MGAT5: variants seen among roughly 807,000 people sequenced by gnomAD.
The protein encoded by MGAT5 is alpha-1,6-mannosylglycoprotein 6-beta-N-acetylglucosaminyltransferase A.
Under a neutral mutation model 94.3 loss-of-function variants are expected in MGAT5, and 30 were observed. The observed-to-expected ratio is 0.32, with a 90% CI of 0.24 to 0.43. MGAT5 has a LOEUF of 0.43. Ranked by LOEUF, MGAT5 falls within the 20% of genes least tolerant of loss-of-function variation. MGAT5 has a pLI of 1.00. For missense variants in MGAT5, 691 were observed against 905.5 expected, an observed-to-expected ratio of 0.76 and a Z score of 3.04; for synonymous variants, 310 against 322.9, an observed-to-expected ratio of 0.96 and a Z score of 0.43.
At chr2:134,365,830 C>T (rs1047792534) in intron 10 of MGAT5, among the ~76,000 whole-genome samples, 18 of 152,070 alleles carry the variant, frequency 1.2e-4, no homozygotes, top group African/African-American at 4.3e-4. Flanking sequence ...ATACTAAATG[C>T]CTATCAAGAA....
At chr2:134,398,476 A>G (rs982972854) in intron 10 of MGAT5, among the ~76,000 whole-genome samples, 1 of 152,176 alleles carries the variant, frequency 6.6e-6, no homozygotes, top group Non-Finnish European at 1.5e-5. Flanking sequence ...TGCTGCGTGA[A>G]TGAGGGGAAC....
chr2:134,273,683 T>C (rs920976337), intron 2 of MGAT5, among the ~76,000 whole-genome samples: 14 of 152,138 alleles, frequency 9.2e-5, no homozygotes, highest in African/African-American at 3.1e-4. Flanking sequence ...AGCTGTGTTC[T>C]GTGTAGCTTT....
intron 10 of MGAT5, among the ~76,000 whole-genome samples, chr2:134,395,816 G>A (rs1682673903): frequency 6.6e-6 from 1 of 152,200 alleles, no homozygotes; most frequent in South Asian, 2.1e-4. Context: ...TAAAGTGTTT[G>A]TGGCTGTTCT....
chr2:134,318,155 T>C (rs1452251929), intron 3 of MGAT5, among the ~76,000 whole-genome samples: 1 of 152,130 alleles, frequency 6.6e-6, no homozygotes, highest in Non-Finnish European at 1.5e-5. Context: ...GAGAACAGTG[T>C]CCATTCAGGG....
intron 14 of MGAT5, among the ~76,000 whole-genome samples, chr2:134,437,734 G>A (rs509429): frequency 0.35 from 53,924 of 152,150 alleles, 10,764 homozygotes; most frequent in South Asian, 0.46. Flanking sequence ...CAGGTTGAGC[G>A]GGCTGACATG....
At chr2:134,375,597 A>C (rs992434092) in intron 10 of MGAT5, among the ~76,000 whole-genome samples, 1 of 152,248 alleles carries the variant, frequency 6.6e-6, no homozygotes, top group African/African-American at 2.4e-5. Flanking sequence ...TTAGGAACTT[A>C]CTTGCGTATC....
At chr2:134,187,116 G>T (rs1228744709) in intron 1 of MGAT5, among the ~76,000 whole-genome samples, 1 of 152,218 alleles carries the variant, frequency 6.6e-6, no homozygotes, top group East Asian at 1.9e-4. Flanking sequence ...GGAGCCAGGG[G>T]CCGAGTGTGG....
intron 15 of MGAT5, among the ~76,000 whole-genome samples, chr2:134,448,174 C>T (rs1054173222): frequency 2.0e-5 from 3 of 152,244 alleles, no homozygotes; most frequent in African/African-American, 4.8e-5. Context: ...ATAGCCGTCT[C>T]GACTTGCAGC....
chr2:134,405,489 G>C (rs1159189308), intron 11 of MGAT5, among the ~76,000 whole-genome samples: 4 of 152,230 alleles, frequency 2.6e-5, no homozygotes, highest in Non-Finnish European at 5.9e-5. Flanking sequence ...CTTTGGCTTT[G>C]AAATAATGAC....
intron 1 of MGAT5, among the ~76,000 whole-genome samples, chr2:134,138,004 T>G (rs933670290): frequency 6.6e-6 from 1 of 151,716 alleles, no homozygotes; most frequent in South Asian, 2.1e-4. Context: ...TTTTTTTTTT[T>G]GTTTTGAGAC....
intron 1 of MGAT5, among the ~76,000 whole-genome samples, chr2:134,169,452 T>A (rs1255126503): frequency 6.7e-6 from 1 of 150,286 alleles, no homozygotes; most frequent in African/African-American, 2.5e-5. Context: ...ATATAAAAGA[T>A]TGAATTGTAC....
chr2:134,448,786 G>A lies in MGAT5; in HGVS notation c.2165G>A (p.Arg722Lys). The stretch of plus-strand genomic sequence containing the variant: ...GCAGGCGCCCACCCCAGGCACCAGA[G>A]GGTCTGCCCCTGCCGGGACTTCATC... ...SCAGAHPRHQ[R>K]VCPCRDFIKG... Residue 722 changes from arginine (R) to lysine (K), a missense_variant, in exon 16 of 16, where the codon AGG (arginine) becomes AAG (lysine). Coordinates refer to ENST00000281923, the MANE Select transcript of MGAT5 (RefSeq NM_002410.5). The A allele has an allele frequency of 6.2e-7, 1 of 1,614,220 alleles. No homozygotes were observed. The highest frequency in any genetic ancestry group is 1.1e-5 in the South Asian group (1 of 91,084).
rs774318076 is a variant in MGAT5 at position 134,345,082 on chromosome 2, T to C, written c.1112+18T>C. On this transcript the variant is annotated intron_variant, in intron 8 of 15. Coordinates refer to ENST00000281923, the MANE Select transcript of MGAT5 (RefSeq NM_002410.5). ...CATTACCAGTAAGTGCTACATGGTGTTCTGACTTAAGGTTTTTTTTCCCCT... is the reference window on the plus strand; with the variant it reads ...CATTACCAGTAAGTGCTACATGGTGCTCTGACTTAAGGTTTTTTTTCCCCT... 6.2e-7 allele frequency: 1 copy of C among 1,602,944 alleles called. No homozygotes were observed. The highest frequency in any genetic ancestry group is 2.2e-5 in the East Asian group (1 of 44,638).
intron 1 of MGAT5, among the ~76,000 whole-genome samples, chr2:134,260,498 C>T (rs1683254601): frequency 6.6e-6 from 1 of 152,172 alleles, no homozygotes; most frequent in Non-Finnish European, 1.5e-5. Flanking sequence ...AGATAACGTT[C>T]TGAGATTCGA....
chr2:134,358,562 G>T (rs146330384), intron 9 of MGAT5, among the ~76,000 whole-genome samples: 2 of 152,298 alleles, frequency 1.3e-5, no homozygotes, highest in Admixed American at 1.3e-4. Context: ...GGACTACACC[G>T]ACTGTGAGGG....
chr2:134,362,198 C>T, intron 9 of MGAT5, 77 bp from the exon 10 acceptor site: 1 of 1,518,118 alleles, frequency 6.6e-7, no homozygotes, highest in Non-Finnish European at 9.0e-7. Flanking sequence ...GGTAAGATGG[C>T]CTGTGTTAAA....
At chr2:134,402,370 C>CT (rs1320286625) in intron 10 of MGAT5, among the ~76,000 whole-genome samples, 1 of 152,182 alleles carries the variant, frequency 6.6e-6, no homozygotes, top group East Asian at 1.9e-4. Flanking sequence ...CATTTATTCT[C>CT]TTTTTTCTAC....
chr2:134,363,853 C>A (rs771649778), intron 10 of MGAT5, among the ~76,000 whole-genome samples: 12 of 152,178 alleles, frequency 7.9e-5, no homozygotes, highest in African/African-American at 1.2e-4. Flanking sequence ...GTTGATAGTG[C>A]ATTTTCCAGC....
intron 15 of MGAT5, among the ~76,000 whole-genome samples, chr2:134,445,330 C>T (rs1368594833): frequency 7.2e-5 from 11 of 152,090 alleles, no homozygotes; most frequent in Admixed American, 7.2e-4. Flanking sequence ...AATACTCCTG[C>T]TGCACTCAGA....
Sources: allele counts gnomAD v4.1 joint callset (sites outside exome capture counted in the v4.1 genomes callset), GRCh38; gene constraint gnomAD v4.1.1; transcripts MANE v1.5; gene names NCBI Gene and HGNC (gene_info 2026-07-23, HGNC 2026-07-21).